PACRGL: variants seen among roughly 807,000 people sequenced by gnomAD.
PACRGL encodes parkin coregulated like.
In PACRGL, 38 loss-of-function variants were observed where a neutral mutation model predicts 34.5. The observed-to-expected ratio is 1.10, with a 90% CI of 0.85 to 1.44. The LOEUF (loss-of-function observed/expected upper bound fraction) is 1.44. PACRGL is among the 40% of genes most tolerant of loss of function. The probability of loss-of-function intolerance (pLI) is 0.00; values close to 1 mark genes in which losing one functional copy is unlikely to be tolerated. For synonymous variants in PACRGL, 128 were observed against 100.1 expected (o/e 1.28, Z -1.66); for missense variants, 305 against 281.4 (o/e 1.08, Z -0.60).
At position 20,745,620 on chromosome 4, in the gene PACRGL, A is replaced by G. The variant is rs576062352; in HGVS notation, c.*57-6945A>G. On this transcript the variant is annotated intron_variant, in intron 8 of 8. Transcript: ENST00000507634. ...TTCCCTAAAGTACAAAAAATGATAAAGGGGTGGAGAGGTCTGTACCGAATT... is the reference window on the plus strand; with the variant it reads ...TTCCCTAAAGTACAAAAAATGATAAGGGGGTGGAGAGGTCTGTACCGAATT... Among the ~76,000 whole-genome samples the G allele has an allele frequency of 1.3e-4, 20 of 152,284 alleles. No homozygotes were observed. In the South Asian group the frequency reaches 3.7e-3, roughly 28 times the overall value.
At chr4:20,744,458 T>C (rs1751949626) in intron 8 of PACRGL, among the ~76,000 whole-genome samples, 1 of 151,216 alleles carries the variant, frequency 6.6e-6, no homozygotes, top group African/African-American at 2.5e-5. Flanking sequence ...TGAGTTCATG[T>C]CCTTTGTAGG....
chr4:20,721,599 C>G (rs897507730), intron 7 of PACRGL, among the ~76,000 whole-genome samples: 4 of 152,178 alleles, frequency 2.6e-5, no homozygotes, highest in African/African-American at 9.7e-5. Flanking sequence ...ACTCCAGACC[C>G]TGTTTGCCTG....
chr4:20,736,859 G>A (rs1158548620), downstream of PACRGL, among the ~76,000 whole-genome samples: 1 of 152,028 alleles, frequency 6.6e-6, no homozygotes, highest in Non-Finnish European at 1.5e-5. Flanking sequence ...TCAATTTTAA[G>A]AAAGAAAAAC....
intron 8 of PACRGL, among the ~76,000 whole-genome samples, chr4:20,746,459 C>T (rs374206791): frequency 1.3e-5 from 2 of 151,802 alleles, no homozygotes; most frequent in East Asian, 1.9e-4. Flanking sequence ...CACCATGGCA[C>T]GTGTATACCT....
At chr4:20,727,207 G>C in intron 8 of PACRGL, 78 bp from the exon 9 acceptor site, 1 of 1,252,134 alleles carries the variant, frequency 8.0e-7, no homozygotes, top group East Asian at 2.3e-5. Flanking sequence ...TACTTTCTAG[G>C]CATATTCCTG....
chr4:20,714,444 C>G (rs959416681), intron 7 of PACRGL, among the ~76,000 whole-genome samples: 7 of 152,130 alleles, frequency 4.6e-5, no homozygotes, highest in Admixed American at 2.6e-4. Flanking sequence ...GGTCTTGACT[C>G]TTTATCCAAT....
chr4:20,701,777 T>G, intron 1 of PACRGL: 1 of 447,714 alleles, frequency 2.2e-6, no homozygotes, highest in Non-Finnish European at 4.5e-6. Flanking sequence ...GATACCCAAA[T>G]CCACCCATGC....
intron 7 of PACRGL, among the ~76,000 whole-genome samples, chr4:20,724,453 T>C (rs7673805): frequency 0.33 from 49,702 of 152,044 alleles, 8,588 homozygotes; most frequent in African/African-American, 0.43. Flanking sequence ...ATCCTTTGTC[T>C]TCTCTTCCCT....
intron 8 of PACRGL, among the ~76,000 whole-genome samples, chr4:20,751,161 C>T (rs928219444): frequency 2.6e-5 from 4 of 152,198 alleles, no homozygotes; most frequent in African/African-American, 9.7e-5. Flanking sequence ...GCTCATCTCT[C>T]ACCTTTTTAA....
intron 7 of PACRGL, among the ~76,000 whole-genome samples, chr4:20,721,939 C>T (rs1474812702): frequency 6.6e-6 from 1 of 152,218 alleles, no homozygotes; most frequent in African/African-American, 2.4e-5. Flanking sequence ...TCTACAGAGG[C>T]AGGCAGGCCT....
At chr4:20,711,814 A>G (rs1453824955) in intron 5 of PACRGL, among the ~76,000 whole-genome samples, 2 of 152,204 alleles carry the variant, frequency 1.3e-5, no homozygotes, top group African/African-American at 4.8e-5. Flanking sequence ...GATATGATCT[A>G]CAGTTTTTTA....
At chr4:20,734,001 A>G (rs531587905), downstream of PACRGL, among the ~76,000 whole-genome samples, 7 of 152,280 alleles carry the variant, frequency 4.6e-5, no homozygotes, top group African/African-American at 1.7e-4. Context: ...CGTGAGGCAA[A>G]GAGAGACAGG....
chr4:20,745,931 C>T (rs1440708626), intron 8 of PACRGL, among the ~76,000 whole-genome samples: 2 of 152,100 alleles, frequency 1.3e-5, no homozygotes, highest in Admixed American at 6.6e-5. Context: ...ATTCCCCCAA[C>T]TAGTGTAAAT....
intron 8 of PACRGL, among the ~76,000 whole-genome samples, chr4:20,744,511 G>A (rs544084391): frequency 6.6e-5 from 10 of 151,946 alleles, no homozygotes; most frequent in Middle Eastern, 6.8e-3. Flanking sequence ...GCAAACTATC[G>A]CAAGGACAGA....
chr4:20,760,750 C>T, the PACRGL span, among the ~76,000 whole-genome samples: 2 of 152,002 alleles, frequency 1.3e-5, no homozygotes, highest in African/African-American at 4.8e-5. Context: ...CAGGTCATGA[C>T]AAGGTTTCGT....
rs2149247045 is a variant in PACRGL, at chr4:20,729,973, TATGCTTC to T, written c.*2634_*2640del. 7.9e-7 allele frequency: 1 copy of T among 1,262,802 alleles called. No homozygotes were observed. The highest frequency in any genetic ancestry group is 1.9e-5 in the South Asian group (1 of 53,268). 78.2% of individuals were successfully genotyped at this position (1,262,802 alleles called of 1,614,324 possible). On this transcript the variant is annotated 3_prime_UTR_variant, in exon 9 of 9. Transcript: ENST00000503585. ...ATTAAAACAAAGCTTGTTTGCATAA[TATGCTTC>T]AGTGTCAAGCTGAGCAATCTATGCT...
Position 20,727,404 on chromosome 4 carries a change from A to C in PACRGL, c.*63A>C. The C allele has an allele frequency of 7.5e-7, 1 of 1,335,334 alleles. No individual in the cohort carries two copies. Among genetic ancestry groups the C allele is most frequent in the East Asian group, 2.3e-5 (1 of 43,422 alleles). 82.7% of individuals were successfully genotyped at this position (1,335,334 alleles called of 1,614,324 possible). Reference sequence around the variant, plus strand: ...GACGTGTCAAGCACTAACTGTGGGTACTCATTTATTTTATTCTTTTGTAAA... The same window carrying C: ...GACGTGTCAAGCACTAACTGTGGGTCCTCATTTATTTTATTCTTTTGTAAA... On this transcript the variant is annotated 3_prime_UTR_variant, in exon 9 of 9. Coordinates refer to ENST00000503585, the MANE Select transcript of PACRGL (RefSeq NM_001258345.3).
intron 5 of PACRGL, 177 bp from the exon 6 acceptor site, chr4:20,712,611 C>G: frequency 1.8e-6 from 1 of 548,082 alleles, no homozygotes; most frequent in Non-Finnish European, 2.8e-6. Context: ...TACCAAGGGA[C>G]CCTTTGTCCC....
the PACRGL span, among the ~76,000 whole-genome samples, chr4:20,760,583 A>G: frequency 2.6e-5 from 4 of 152,188 alleles, no homozygotes; most frequent in East Asian, 7.7e-4. Context: ...TTGTGTTTAC[A>G]GAGCTTCTCG....
Sources: allele counts gnomAD v4.1 joint callset (sites outside exome capture counted in the v4.1 genomes callset), GRCh38; gene constraint gnomAD v4.1.1; transcripts MANE v1.5; gene names NCBI Gene and HGNC (gene_info 2026-07-23, HGNC 2026-07-21).